NMNAT3: variants seen among roughly 807,000 people sequenced by gnomAD.
The protein encoded by NMNAT3 is nicotinamide nucleotide adenylyltransferase 3.
Under a neutral mutation model 24.8 loss-of-function variants are expected in NMNAT3, and 21 were observed. That is an observed-to-expected ratio of 0.85 (90% confidence interval 0.60 to 1.22). The LOEUF is 1.22. Ranked by LOEUF, NMNAT3 falls within the 50% of genes most tolerant of loss-of-function variation. NMNAT3 has a pLI of 0.00. For missense variants in NMNAT3, 387 were observed against 436.6 expected (o/e 0.89, Z 1.01); for synonymous variants, 136 against 155.2 (o/e 0.88, Z 0.92).
chr3:139,649,940 A>C (rs187365684), intron 1 of NMNAT3, among the ~76,000 whole-genome samples: 1 of 152,332 alleles, frequency 6.6e-6, no homozygotes, highest in African/African-American at 2.4e-5. Flanking sequence ...AGGGGCCATG[A>C]AGAGATGAAT....
intron 1 of NMNAT3, among the ~76,000 whole-genome samples, chr3:139,654,486 C>T (rs888265729): frequency 1.3e-5 from 2 of 152,196 alleles, no homozygotes; most frequent in African/African-American, 2.4e-5. Flanking sequence ...CATTTGTGTG[C>T]CCTTCAGTAC....
intron 3 of NMNAT3, among the ~76,000 whole-genome samples, chr3:139,601,745 A>G (rs1227666440): frequency 6.6e-6 from 1 of 152,172 alleles, no homozygotes; most frequent in African/African-American, 2.4e-5. Context: ...CAGTCTCCAG[A>G]TGGGTAGTCA....
At chr3:139,572,265 G>C (rs1303470810) in intron 6 of NMNAT3, 1 of 398,600 alleles carries the variant, frequency 2.5e-6, no homozygotes, top group African/African-American at 2.1e-5. Context: ...AGAAAGAAGG[G>C]AGAGGCTGAT....
chr3:139,655,923 A>G (rs1460081210), intron 1 of NMNAT3, among the ~76,000 whole-genome samples: 10 of 152,168 alleles, frequency 6.6e-5, no homozygotes, highest in Non-Finnish European at 1.5e-4. Context: ...GCTTTATGTG[A>G]CTGGCCATCC....
chr3:139,669,297 AC>A (rs1381139003), intron 1 of NMNAT3, among the ~76,000 whole-genome samples: 5 of 151,530 alleles, frequency 3.3e-5, no homozygotes, highest in Non-Finnish European at 5.9e-5. Flanking sequence ...ATATGGTGAA[AC>A]CCCATCTCTA....
chr3:139,634,565 G>A (rs982874793), intron 2 of NMNAT3, 46 bp downstream of exon 3: 5 of 152,142 alleles, frequency 3.3e-5, no homozygotes, highest in African/African-American at 9.7e-5. Context: ...TTAACCCGCT[G>A]TTGCTACGGG....
intron 1 of NMNAT3, among the ~76,000 whole-genome samples, chr3:139,664,796 T>C (rs2108437655): frequency 1.3e-5 from 2 of 152,332 alleles, no homozygotes; most frequent in South Asian, 4.1e-4. Flanking sequence ...TATCAATCTT[T>C]CTTGTGAAAA....
intron 3 of NMNAT3, among the ~76,000 whole-genome samples, chr3:139,606,309 T>C (rs1044835485): frequency 2.0e-5 from 3 of 152,226 alleles, no homozygotes; most frequent in African/African-American, 7.2e-5. Flanking sequence ...AGTTATTTTG[T>C]AGAACATCCC....
intron 2 of NMNAT3, among the ~76,000 whole-genome samples, chr3:139,633,180 G>GA (rs35775434): frequency 0.26 from 37,840 of 143,530 alleles, 5,467 homozygotes; most frequent in East Asian, 0.48. Flanking sequence ...GTTTTTGTTT[G>GA]ATTTTTTTTT....
intron 6 of NMNAT3, among the ~76,000 whole-genome samples, chr3:139,561,635 G>A (rs1028698050): frequency 1.3e-5 from 2 of 152,108 alleles, no homozygotes; most frequent in African/African-American, 2.4e-5. Context: ...CAAGGAATAC[G>A]ATTTTTTTTC....
intron 6 of NMNAT3, chr3:139,566,855 T>A (rs888452780): frequency 6.6e-6 from 1 of 152,236 alleles, no homozygotes; most frequent in African/African-American, 2.4e-5. Flanking sequence ...GGCTCTTTTT[T>A]GGTTCCATAT....
chr3:139,661,749 C>A (rs1191690716), intron 1 of NMNAT3, among the ~76,000 whole-genome samples: 1 of 152,114 alleles, frequency 6.6e-6, no homozygotes, highest in Non-Finnish European at 1.5e-5. Flanking sequence ...TATTGACATA[C>A]TTCTATATTT....
chr3:139,579,154 C>CAGAGTCTACTACCACTCAGGA, intron 4 of NMNAT3, 99 bp from the exon 5 acceptor site: 2 of 972,194 alleles, frequency 2.1e-6, no homozygotes, highest in Non-Finnish European at 3.1e-6. Flanking sequence ...GTGCCTCATC[C>CAGAGTCTACTACCACTCAGGA]TGAGTGGTAG....
chr3:139,620,961 T>A (rs1254406656), intron 3 of NMNAT3, among the ~76,000 whole-genome samples: 1 of 152,118 alleles, frequency 6.6e-6, no homozygotes, highest in East Asian at 1.9e-4. Flanking sequence ...GCTTGGCTAT[T>A]TTTTTTTCCA....
At chr3:139,658,708 T>A (rs1014718568) in intron 1 of NMNAT3, among the ~76,000 whole-genome samples, 6 of 152,198 alleles carry the variant, frequency 3.9e-5, no homozygotes, top group African/African-American at 1.4e-4. Context: ...GACAGCAGCA[T>A]ACTTATTTCT....
chr3:139,668,347 A>G (rs1297075559), intron 1 of NMNAT3, among the ~76,000 whole-genome samples: 2 of 152,222 alleles, frequency 1.3e-5, no homozygotes, highest in South Asian at 2.1e-4. Flanking sequence ...CAAAATCTCA[A>G]TGCATTTCCA....
chr3:139,594,181 C>A (rs1239774889), intron 3 of NMNAT3, among the ~76,000 whole-genome samples: 2 of 152,154 alleles, frequency 1.3e-5, no homozygotes, highest in Non-Finnish European at 1.5e-5. Context: ...ATACTACAAA[C>A]AACTCTATGC....
intron 5 of NMNAT3, among the ~76,000 whole-genome samples, chr3:139,574,973 C>T (rs563615042): frequency 1.2e-4 from 19 of 152,216 alleles, no homozygotes; most frequent in Admixed American, 2.6e-4. Context: ...TGAGGGATAA[C>T]GGCAGAACCT....
intron 3 of NMNAT3, among the ~76,000 whole-genome samples, chr3:139,623,437 C>A (rs2055892110): frequency 6.6e-6 from 1 of 151,430 alleles, no homozygotes; most frequent in South Asian, 2.1e-4. Context: ...TTACAGTTAA[C>A]TTTTTTTTTA....
Sources: allele counts gnomAD v4.1 joint callset (sites outside exome capture counted in the v4.1 genomes callset), GRCh38; gene constraint gnomAD v4.1.1; transcripts MANE v1.5; gene names NCBI Gene and HGNC (gene_info 2026-07-23, HGNC 2026-07-21).